Variants in XKR6 observed in about 807,000 individuals in gnomAD.
XKR6 encodes the protein XK related 6.
A neutral mutation model predicts 56.7 loss-of-function variants in XKR6; 22 were observed. That is an observed-to-expected ratio of 0.39 (90% CI 0.28 to 0.55). XKR6 has a LOEUF of 0.55. Ranked by LOEUF, XKR6 falls within the 20% of genes least tolerant of loss-of-function variation. The pLI, the probability that XKR6 is intolerant of heterozygous loss-of-function variation, is 0.66. For synonymous variants in XKR6, 524 were observed against 387.8 expected, an observed-to-expected ratio of 1.35 and a Z score of -4.13; for missense variants, 852 against 889.0, an observed-to-expected ratio of 0.96 and a Z score of 0.53.
intron 1 of XKR6, among the ~76,000 whole-genome samples, chr8:11,150,315 T>G (rs1012959747): frequency 2.4e-4 from 36 of 152,228 alleles, no homozygotes; most frequent in African/African-American, 8.0e-4. Context: ...ATACATTCTA[T>G]CCATGTAACA....
intron 1 of XKR6, among the ~76,000 whole-genome samples, chr8:11,079,523 T>A (rs1797640478): frequency 2.0e-5 from 3 of 152,222 alleles, no homozygotes; most frequent in Non-Finnish European, 4.4e-5. Flanking sequence ...AAGTCTACAC[T>A]GCACCAATTG....
At chr8:11,013,657 T>C (rs1309742910) in intron 1 of XKR6, among the ~76,000 whole-genome samples, 1 of 152,250 alleles carries the variant, frequency 6.6e-6, no homozygotes, top group East Asian at 1.9e-4. Context: ...TCCCCATCCA[T>C]TAATTGAGTG....
At chr8:11,195,053 C>T (rs367691157) in intron 1 of XKR6, 18 of 685,742 alleles carry the variant, frequency 2.6e-5, no homozygotes, top group Non-Finnish European at 5.3e-6. Flanking sequence ...ATTCATTCTC[C>T]TGGAGGAAGT....
intron 1 of XKR6, chr8:11,195,069 T>G (rs1257446822): frequency 1.4e-6 from 1 of 695,302 alleles, no homozygotes. Context: ...GAAGTATCTC[T>G]GTCTCAATTT....
chr8:11,004,519 C>T (rs1798321688), intron 1 of XKR6, among the ~76,000 whole-genome samples: 1 of 152,026 alleles, frequency 6.6e-6, no homozygotes. Flanking sequence ...TCCGGTGGGA[C>T]AAAGATATAT....
intron 1 of XKR6, among the ~76,000 whole-genome samples, chr8:10,958,075 C>T (rs976285830): frequency 1.3e-5 from 2 of 152,184 alleles, no homozygotes; most frequent in Non-Finnish European, 2.9e-5. Flanking sequence ...AAGTCACTTG[C>T]CCTCTCTGGG....
At chr8:10,936,097 A>G (rs1326868806) in intron 1 of XKR6, among the ~76,000 whole-genome samples, 3 of 150,266 alleles carry the variant, frequency 2.0e-5, no homozygotes, top group Non-Finnish European at 4.5e-5. Flanking sequence ...TGTTGGGTGC[A>G]TATATATTTA....
At chr8:11,012,231 G>T (rs529890789) in intron 1 of XKR6, among the ~76,000 whole-genome samples, 82 of 152,344 alleles carry the variant, frequency 5.4e-4, no homozygotes, top group South Asian at 1.0e-3. Flanking sequence ...CATGGGGACA[G>T]AAGGGGCAGT....
At chr8:11,173,764 C>T (rs1760115307) in intron 1 of XKR6, among the ~76,000 whole-genome samples, 1 of 152,158 alleles carries the variant, frequency 6.6e-6, no homozygotes, top group East Asian at 1.9e-4. Context: ...CACAACCCAC[C>T]CACCAGTTCC....
chr8:10,916,343 C>T (rs1469006677), intron 2 of XKR6, among the ~76,000 whole-genome samples: 1 of 152,246 alleles, frequency 6.6e-6, no homozygotes, highest in African/African-American at 2.4e-5. Flanking sequence ...TTCTGGGTGG[C>T]AGCTTCACCC....
chr8:10,930,983 G>C (rs1801035220), intron 1 of XKR6, among the ~76,000 whole-genome samples: 1 of 152,154 alleles, frequency 6.6e-6, no homozygotes, highest in Non-Finnish European at 1.5e-5. Context: ...CAAAGGAAGA[G>C]GTAAAACTGT....
chr8:10,912,106 G>A (rs1057318424), intron 2 of XKR6, among the ~76,000 whole-genome samples: 6 of 149,318 alleles, frequency 4.0e-5, no homozygotes, highest in Non-Finnish European at 7.4e-5. Context: ...CTGTGTGTGT[G>A]TATATATATA....
chr8:11,002,809 G>T (rs1266977171), intron 1 of XKR6, among the ~76,000 whole-genome samples: 1 of 152,210 alleles, frequency 6.6e-6, no homozygotes, highest in Admixed American at 6.5e-5. Context: ...AATAAACACA[G>T]TCTCCCTCCT....
chr8:11,201,152 G>A lies in XKR6; in HGVS notation c.188C>T (p.Ser63Phe). 1.3e-6 allele frequency: 2 copies of A among 1,522,614 alleles called. No homozygotes were observed. Among genetic ancestry groups the A allele is most frequent in the Non-Finnish European group, 1.8e-6 (2 of 1,141,914 alleles). 94.3% of individuals were successfully genotyped at this position (1,522,614 alleles called of 1,614,324 possible). The change falls in exon 1 of 3, where the codon TCC becomes TTC. Residue 63 changes from serine to phenylalanine, a missense_variant. This residue lies in a region of XKR6 where 417 missense variants were observed against 355.2 expected (regional missense o/e 1.17). Transcript: ENST00000416569. Reference protein sequence around the residue: ...SMHICHCCNTSSCYWGCRSAC... With the variant: ...SMHICHCCNTFSCYWGCRSAC... Reference sequence around the variant, plus strand: ...GGAGCGGCAGCCCCAGTAGCACGAGGAGGTGTTGCAGCAGTGGCAGATGTG... The same window carrying A: ...GGAGCGGCAGCCCCAGTAGCACGAGAAGGTGTTGCAGCAGTGGCAGATGTG...
At chr8:11,098,846 G>A (rs1485623708) in intron 1 of XKR6, among the ~76,000 whole-genome samples, 2 of 151,990 alleles carry the variant, frequency 1.3e-5, no homozygotes, top group Non-Finnish European at 2.9e-5. Context: ...ATTCTGTTCT[G>A]TTTCAAAAGT....
At chr8:11,053,407 C>T (rs918867009) in intron 1 of XKR6, among the ~76,000 whole-genome samples, 1 of 152,216 alleles carries the variant, frequency 6.6e-6, no homozygotes, top group Non-Finnish European at 1.5e-5. Context: ...AGAGATCAAT[C>T]CCAGGTCCTT....
rs149703604 is a variant in XKR6 at position 10,956,156 on chromosome 8, G to A, written c.765-31326C>T. Among the ~76,000 whole-genome samples, 539 of 151,528 alleles carry A rather than the reference G, an allele frequency of 3.6e-3. 2 individuals carry two copies. Among genetic ancestry groups the A allele is most frequent in the African/African-American group, 0.012 (509 of 41,476 alleles). On this transcript the variant is annotated intron_variant, in intron 1 of 2. Coordinates refer to ENST00000416569, the MANE Select transcript of XKR6 (RefSeq NM_173683.4). ...AGGTCCTCTCCTGGGGGCCAGTGCT[G>A]CCAGGAGGAAGTAGGCAGAAAGGAG...
intron 1 of XKR6, among the ~76,000 whole-genome samples, chr8:11,047,295 A>T (rs566697028): frequency 6.6e-6 from 1 of 152,214 alleles, no homozygotes; most frequent in Admixed American, 6.5e-5. Context: ...CTACACCTCA[A>T]TAAAGCTGGG....
chr8:11,171,524 G>C lies in XKR6; in HGVS notation c.764+29052C>G, dbSNP rs568843966. 6.0e-4 allele frequency among the ~76,000 whole-genome samples: 91 copies of C among 152,298 alleles called. 3 individuals carry two copies. The South Asian group carries it at 0.018, about 30-fold the overall frequency. The stretch of plus-strand genomic sequence containing the variant: ...GAATAGATTCATTCCCTTGGGTATA[G>C]GGAGTTAATTCTTACTCTTAGTCCC... On this transcript the variant is annotated intron_variant, in intron 1 of 2. Transcript: ENST00000416569.
Sources: allele counts gnomAD v4.1 joint callset (sites outside exome capture counted in the v4.1 genomes callset), GRCh38; gene constraint gnomAD v4.1.1; regional missense constraint gnomAD v4.1.1; transcripts MANE v1.5; gene names NCBI Gene and HGNC (gene_info 2026-07-23, HGNC 2026-07-21).